FRMD4B: variants seen among roughly 807,000 people sequenced by gnomAD.
FRMD4B encodes the protein FERM domain containing 4B.
Under a neutral mutation model 141.5 loss-of-function variants are expected in FRMD4B, and 74 were observed. The ratio of observed to expected loss-of-function variants is 0.52; its 90% CI spans 0.43 to 0.63. FRMD4B has a LOEUF of 0.63. FRMD4B is among the 30% of genes least tolerant of loss of function. The pLI is 0.00. For missense variants in FRMD4B, 1,366 were observed against 1,253.4 expected (o/e 1.09, Z -1.36); for synonymous variants, 506 against 467.9 (o/e 1.08, Z -1.05).
At chr3:69,517,575 C>G (rs1409000513) in intron 1 of FRMD4B, among the ~76,000 whole-genome samples, 1 of 152,038 alleles carries the variant, frequency 6.6e-6, no homozygotes, top group East Asian at 1.9e-4. Context: ...GTAAGCAGTC[C>G]AAAACTATCA....
chr3:69,254,399 G>A (rs184816154), intron 5 of FRMD4B, among the ~76,000 whole-genome samples: 2 of 152,136 alleles, frequency 1.3e-5, no homozygotes, highest in Non-Finnish European at 2.9e-5. Flanking sequence ...GTGAGCCACC[G>A]TACCCAGCCA....
At chr3:69,187,273 C>T (rs370331497) in intron 19 of FRMD4B, among the ~76,000 whole-genome samples, 7 of 151,918 alleles carry the variant, frequency 4.6e-5, no homozygotes, top group African/African-American at 1.7e-4. Context: ...CAGCCAGGCA[C>T]GGTGGCTCAA....
At chr3:69,475,218 T>C (rs867877574) in intron 1 of FRMD4B, among the ~76,000 whole-genome samples, 20 of 152,144 alleles carry the variant, frequency 1.3e-4, no homozygotes, top group African/African-American at 4.8e-4. Context: ...CTTTTATTAT[T>C]ATTATACTTT....
At chr3:69,435,976 A>T (rs1275849939) in intron 1 of FRMD4B, among the ~76,000 whole-genome samples, 1 of 152,208 alleles carries the variant, frequency 6.6e-6, no homozygotes, top group Non-Finnish European at 1.5e-5. Flanking sequence ...AAAAAGGTGC[A>T]TATCTTTAGA....
chr3:69,405,697 C>T (rs541486107), intron 2 of FRMD4B, among the ~76,000 whole-genome samples: 77 of 152,278 alleles, frequency 5.1e-4, no homozygotes, highest in Non-Finnish European at 8.1e-4. Flanking sequence ...TCTAGTTCTG[C>T]GATACGCCAC....
chr3:69,302,320 T>A (rs755877642), intron 4 of FRMD4B, 23 bp downstream of exon 4: 1 of 1,301,730 alleles, frequency 7.7e-7, no homozygotes. Flanking sequence ...AGAGGGATGC[T>A]AACTGGGTCT....
intron 1 of FRMD4B, among the ~76,000 whole-genome samples, chr3:69,349,426 T>C (rs1047017169): frequency 6.6e-5 from 10 of 152,094 alleles, no homozygotes; most frequent in Non-Finnish European, 1.0e-4. Context: ...TCAAAGCCAT[T>C]CCCATCAAGC....
intron 22 of FRMD4B, among the ~76,000 whole-genome samples, chr3:69,175,741 G>C (rs866139320): frequency 1.7e-4 from 26 of 151,492 alleles, no homozygotes; most frequent in African/African-American, 6.3e-4. Flanking sequence ...CGTTAGATGA[G>C]GGGTTAGCAA....
At chr3:69,336,210 A>C (rs1375836166) in intron 1 of FRMD4B, among the ~76,000 whole-genome samples, 1 of 152,228 alleles carries the variant, frequency 6.6e-6, no homozygotes, top group Non-Finnish European at 1.5e-5. Flanking sequence ...AGACAAGCTT[A>C]GAGTTAATGA....
At chr3:69,386,329 C>G (rs2106706022), upstream of FRMD4B, 1 of 222,532 alleles carries the variant, frequency 4.5e-6, no homozygotes, top group East Asian at 9.4e-5. Flanking sequence ...CCCCCTGGCG[C>G]TTCCCCAGGG....
chr3:69,490,958 TAAC>T (rs1303025908), intron 1 of FRMD4B, among the ~76,000 whole-genome samples: 9 of 152,102 alleles, frequency 5.9e-5, no homozygotes, highest in South Asian at 2.1e-4. Context: ...AGAATTTCCT[TAAC>T]AACAATTTTT....
intron 5 of FRMD4B, among the ~76,000 whole-genome samples, chr3:69,272,959 C>G (rs1442900342): frequency 2.0e-5 from 3 of 152,082 alleles, no homozygotes; most frequent in Admixed American, 2.0e-4. Context: ...TTAGGAGAAC[C>G]CTTCTCAGAA....
At chr3:69,317,068 G>A (rs1404203441) in intron 1 of FRMD4B, among the ~76,000 whole-genome samples, 7 of 145,324 alleles carry the variant, frequency 4.8e-5, no homozygotes, top group Admixed American at 1.4e-4. Flanking sequence ...CAACAAGAGC[G>A]AAACTCCGCC....
At chr3:69,195,480 C>T in intron 14 of FRMD4B, 116 bp from the exon 15 acceptor site, 2 of 787,488 alleles carry the variant, frequency 2.5e-6, no homozygotes, top group Non-Finnish European at 3.8e-6. Flanking sequence ...TTTCTTTTCT[C>T]CTTGTTTCTC....
intron 5 of FRMD4B, among the ~76,000 whole-genome samples, chr3:69,280,415 G>C (rs1370510636): frequency 2.6e-5 from 4 of 152,144 alleles, no homozygotes; most frequent in Non-Finnish European, 5.9e-5. Flanking sequence ...TCCAGCATGA[G>C]TGCTAGTGCA....
intron 5 of FRMD4B, among the ~76,000 whole-genome samples, chr3:69,263,972 C>G (rs995186892): frequency 9.2e-5 from 14 of 151,632 alleles, no homozygotes; most frequent in African/African-American, 3.2e-4. Flanking sequence ...ATTACAGGCA[C>G]ACACCCCCAA....
intron 17 of FRMD4B, among the ~76,000 whole-genome samples, chr3:69,191,432 C>T (rs909425472): frequency 2.1e-4 from 31 of 151,008 alleles, no homozygotes; most frequent in African/African-American, 7.2e-4. Context: ...AGAAAAAAAA[C>T]AAAAAACAAA....
chr3:69,509,949 C>T (rs564532376), intron 1 of FRMD4B, among the ~76,000 whole-genome samples: 4 of 151,264 alleles, frequency 2.6e-5, no homozygotes, highest in Admixed American at 6.6e-5. Context: ...TTACACTCTA[C>T]TATGGAGTAT....
intron 1 of FRMD4B, among the ~76,000 whole-genome samples, chr3:69,485,340 A>G (rs1052359697): frequency 2.0e-5 from 3 of 152,194 alleles, no homozygotes; most frequent in African/African-American, 7.2e-5. Context: ...CTAAGAGTGC[A>G]GGGATGCCTG....
Sources: gnomAD v4.1 joint callset for allele counts (sites outside exome capture counted in the v4.1 genomes callset) on GRCh38, gnomAD v4.1.1 for gene constraint, MANE v1.5 for transcripts, NCBI Gene and HGNC (gene_info 2026-07-23, HGNC 2026-07-21) for gene names.